The following NEK5 variants were observed in gnomAD, a reference collection of about 807,000 sequenced individuals.
NEK5 encodes serine/threonine-protein kinase Nek5.
A neutral mutation model predicts 109.2 loss-of-function variants in NEK5; 88 were observed. The ratio of observed to expected loss-of-function variants is 0.81; its 90% CI spans 0.68 to 0.96. The LOEUF is 0.96. NEK5 is among the 40% of genes least tolerant of loss of function. The pLI is 0.00. For synonymous variants in NEK5, 283 were observed against 299.9 expected (o/e 0.94, Z 0.58); for missense variants, 834 against 920.7 (o/e 0.91, Z 1.22).
At chr13:52,050,578 T>C (rs1293250252) in intron 22 of NEK5, among the ~76,000 whole-genome samples, 1 of 149,816 alleles carries the variant, frequency 6.7e-6, no homozygotes, top group Non-Finnish European at 1.5e-5. Context: ...TGAATGCCTG[T>C]AGGGAAAACC....
At chr13:52,105,507 C>T (rs576567295) in intron 8 of NEK5, among the ~76,000 whole-genome samples, 1 of 152,174 alleles carries the variant, frequency 6.6e-6, no homozygotes, top group Admixed American at 6.5e-5. Context: ...GTGTGAGCCG[C>T]CTGCACCTGA....
rs926713099 is a variant in NEK5, at chr13:52,035,434, A to C, written c.*1514T>G. The C allele has an allele frequency of 1.1e-4, 16 of 152,220 alleles. No individual in the cohort carries two copies. Among genetic ancestry groups the C allele is most frequent in the African/African-American group, 3.1e-4 (13 of 41,448 alleles). 9.4% of individuals were successfully genotyped at this position (152,220 alleles called of 1,614,324 possible). A position where few individuals can be genotyped will look rare whatever the true frequency, so the allele number is the denominator to read the frequency against. ...ACATTTTACTTTTATTATAAAGCAG[A>C]TATTTCAGGCAGAATTCTACCACCC... On this transcript the variant is annotated 3_prime_UTR_variant, in exon 24 of 24. Coordinates refer to ENST00000684899, the MANE Select transcript of NEK5 (RefSeq NM_001365552.1).
At chr13:52,092,383 T>C (rs1409480509) in intron 13 of NEK5, among the ~76,000 whole-genome samples, 1 of 151,798 alleles carries the variant, frequency 6.6e-6, no homozygotes, top group Non-Finnish European at 1.5e-5. Flanking sequence ...TTGTGTAACA[T>C]ATATGACATT....
At chr13:52,108,248 T>G in intron 8 of NEK5, 70 bp downstream of exon 8, 1 of 853,300 alleles carries the variant, frequency 1.2e-6, no homozygotes. Flanking sequence ...AATTTTAGTT[T>G]CTGGAATCTT....
intron 22 of NEK5, among the ~76,000 whole-genome samples, chr13:52,061,444 T>C (rs1954614055): frequency 6.6e-6 from 1 of 152,002 alleles, no homozygotes; most frequent in Admixed American, 6.6e-5. Flanking sequence ...AAAAAACAAA[T>C]GATATTATGT....
At chr13:52,094,786 T>G (rs1955368905) in intron 12 of NEK5, among the ~76,000 whole-genome samples, 1 of 152,196 alleles carries the variant, frequency 6.6e-6, no homozygotes. Context: ...AAAAAGAAAT[T>G]GCCCAGAATT....
At chr13:52,087,825 CTG>C (rs1468426119) in intron 14 of NEK5, among the ~76,000 whole-genome samples, 2 of 151,640 alleles carry the variant, frequency 1.3e-5, no homozygotes, top group Non-Finnish European at 2.9e-5. Flanking sequence ...CAGGGTTTCA[CTG>C]TGTTAGCCAG....
intron 17 of NEK5, among the ~76,000 whole-genome samples, chr13:52,079,231 G>A (rs1290819554): frequency 1.4e-5 from 2 of 145,802 alleles, no homozygotes; most frequent in Non-Finnish European, 3.0e-5. Context: ...ACAAAAGCCT[G>A]GAGGTTAAAA....
intron 23 of NEK5, among the ~76,000 whole-genome samples, chr13:52,046,295 G>A (rs1479455603): frequency 3.7e-4 from 55 of 150,204 alleles, no homozygotes; most frequent in East Asian, 1.6e-3. Flanking sequence ...TGGGCAACAC[G>A]GCAAGACCCT....
rs963803041 is a variant in NEK5, at chr13:52,082,363, A to C, written c.1572+897T>G. 6.3e-5 allele frequency: 75 copies of C among 1,190,592 alleles called. No individual in the cohort carries two copies. In the African/African-American group the frequency reaches 1.0e-3, roughly 16 times the overall value. 73.8% of individuals were successfully genotyped at this position (1,190,592 alleles called of 1,614,324 possible). The stretch of plus-strand genomic sequence containing the variant: ...CTTAGTATGGGCCAAATCATTGAGA[A>C]TCTTCTTACTAAGCAAAAATAAAAG... On this transcript the variant is annotated intron_variant, in intron 17 of 23. Transcript: ENST00000684899.
chr13:52,084,709 A>AAG (rs879660846), intron 16 of NEK5, among the ~76,000 whole-genome samples: 90 of 93,814 alleles, frequency 9.6e-4, no homozygotes, highest in East Asian at 2.6e-3. Flanking sequence ...GGCTAATTTA[A>AAG]AGAGAGAGAG....
chr13:52,049,553 A>T (rs180822337), intron 23 of NEK5, among the ~76,000 whole-genome samples: 3 of 152,238 alleles, frequency 2.0e-5, no homozygotes. Flanking sequence ...ACTTTATAAG[A>T]GAATGCAAAG....
intron 17 of NEK5, 48 bp downstream of exon 17, chr13:52,083,212 A>G (rs776944191): frequency 1.7e-4 from 214 of 1,282,022 alleles, no homozygotes; most frequent in East Asian, 5.3e-4. Flanking sequence ...CACTTGGGGT[A>G]GAGCACACAC....
chr13:52,086,467 G>C, intron 15 of NEK5, 104 bp from the exon 16 acceptor site: 1 of 751,510 alleles, frequency 1.3e-6, no homozygotes, highest in South Asian at 1.6e-5. Flanking sequence ...TATAAAATAA[G>C]GTTAGAAAAA....
intron 22 of NEK5, among the ~76,000 whole-genome samples, chr13:52,061,034 T>C (rs768009321): frequency 6.6e-6 from 1 of 152,040 alleles, no homozygotes; most frequent in Non-Finnish European, 1.5e-5. Flanking sequence ...CCCCTCAAAT[T>C]TTAGAAAATG....
intron 3 of NEK5, among the ~76,000 whole-genome samples, chr13:52,122,700 G>A (rs1259676597): frequency 6.6e-6 from 1 of 152,074 alleles, no homozygotes; most frequent in Non-Finnish European, 1.5e-5. Context: ...CTGGGAGGCA[G>A]AGATTGCAGT....
At chr13:52,089,837 G>A (rs1955239450) in intron 13 of NEK5, among the ~76,000 whole-genome samples, 1 of 151,910 alleles carries the variant, frequency 6.6e-6, no homozygotes. Context: ...AAAAATTAGT[G>A]GGGCGTGGTG....
chr13:52,098,324 G>T (rs146867948), intron 12 of NEK5, among the ~76,000 whole-genome samples: 1 of 151,068 alleles, frequency 6.6e-6, no homozygotes, highest in African/African-American at 2.4e-5. Flanking sequence ...CAAATGAAGG[G>T]CAATAACTTA....
chr13:52,117,326 G>T (rs1038751335), intron 4 of NEK5, among the ~76,000 whole-genome samples: 1 of 152,148 alleles, frequency 6.6e-6, no homozygotes, highest in Non-Finnish European at 1.5e-5. Flanking sequence ...AAAAGACAGA[G>T]GCTACAAGGC....
Sources: allele counts gnomAD v4.1 joint callset (sites outside exome capture counted in the v4.1 genomes callset), GRCh38; gene constraint gnomAD v4.1.1; transcripts MANE v1.5; gene names NCBI Gene and HGNC (gene_info 2026-07-23, HGNC 2026-07-21).